LRRC4C: variants seen among roughly 807,000 people sequenced by gnomAD.
LRRC4C encodes the protein leucine rich repeat containing 4C.
A neutral mutation model predicts 33.6 loss-of-function variants in LRRC4C; 5 were observed. The ratio of observed to expected loss-of-function variants is 0.15; its 90% CI spans 0.08 to 0.31. The LOEUF is 0.31. Ranked by LOEUF, LRRC4C falls within the 10% of genes least tolerant of loss-of-function variation. The probability of loss-of-function intolerance (pLI) is 1.00; values close to 1 mark genes in which losing one functional copy is unlikely to be tolerated. For missense variants in LRRC4C, 560 were observed against 796.7 expected (o/e 0.70, Z 3.58); for synonymous variants, 329 against 302.0 (o/e 1.09, Z -0.93).
At chr11:41,099,254 A>G (rs1941010223) in intron 1 of LRRC4C, among the ~76,000 whole-genome samples, 1 of 152,110 alleles carries the variant, frequency 6.6e-6, no homozygotes, top group Admixed American at 6.6e-5. Flanking sequence ...ATTCAACCAG[A>G]TATACAAAGA....
rs748483585 is a variant in LRRC4C, at chr11:40,834,911, G to GACAGACAGACAGACACAC, written c.-407+98723_-407+98724insGTGTGTCTGTCTGTCTGT. 4.8e-4 allele frequency among the ~76,000 whole-genome samples: 41 copies of GACAGACAGACAGACACAC among 84,934 alleles called. 1 individual carries two copies. Among genetic ancestry groups the GACAGACAGACAGACACAC allele is most frequent in the South Asian group, 1.1e-3 (2 of 1,802 alleles). The allele number at this position is 84,934 out of a possible 152,430, so 55.7% of individuals were successfully genotyped here. ...AGACAGACAGACAGACAGACAGACA[G>GACAGACAGACAGACACAC]ACACACACACACACACACACACACA... is the stretch of plus-strand genomic sequence containing the variant. On this transcript the variant is annotated intron_variant, in intron 2 of 6. Transcript: ENST00000528697.
At chr11:40,967,122 T>C (rs1172604386) in intron 1 of LRRC4C, among the ~76,000 whole-genome samples, 2 of 151,556 alleles carry the variant, frequency 1.3e-5, no homozygotes, top group African/African-American at 4.9e-5. Flanking sequence ...GAGTTTGAGC[T>C]TAAAAGTTGG....
At chr11:40,522,092 G>A (rs1013136217) in intron 3 of LRRC4C, among the ~76,000 whole-genome samples, 2 of 152,046 alleles carry the variant, frequency 1.3e-5, no homozygotes, top group African/African-American at 2.4e-5. Flanking sequence ...GCACAATCTC[G>A]GCCCACTGCA....
At chr11:41,427,782 C>T (rs1367381569) in intron 1 of LRRC4C, among the ~76,000 whole-genome samples, 1 of 152,090 alleles carries the variant, frequency 6.6e-6, no homozygotes, top group Non-Finnish European at 1.5e-5. Flanking sequence ...TTTAAATGGC[C>T]TGTTCCTGCC....
At chr11:40,487,930 A>G (rs938858060) in intron 3 of LRRC4C, among the ~76,000 whole-genome samples, 12 of 152,124 alleles carry the variant, frequency 7.9e-5, no homozygotes, top group Admixed American at 3.3e-4. Flanking sequence ...CCCACAAATT[A>G]TATAATCTCC....
intron 1 of LRRC4C, among the ~76,000 whole-genome samples, chr11:40,992,111 G>T (rs2137263349): frequency 6.6e-6 from 1 of 152,234 alleles, no homozygotes; most frequent in East Asian, 1.9e-4. Flanking sequence ...TAACCGAAAA[G>T]GCAATTAAAA....
intron 1 of LRRC4C, among the ~76,000 whole-genome samples, chr11:41,182,701 T>G (rs1181830525): frequency 3.3e-5 from 5 of 152,148 alleles, no homozygotes; most frequent in African/African-American, 1.2e-4. Flanking sequence ...AATTCCTTGT[T>G]ATGTACAATG....
At chr11:40,693,542 G>A (rs765632970) in intron 2 of LRRC4C, among the ~76,000 whole-genome samples, 7 of 151,944 alleles carry the variant, frequency 4.6e-5, no homozygotes, top group South Asian at 2.1e-4. Flanking sequence ...TTCTTTTCTC[G>A]TCTACCTTTA....
At chr11:40,279,947 A>G (rs1943361184) in intron 4 of LRRC4C, among the ~76,000 whole-genome samples, 1 of 152,178 alleles carries the variant, frequency 6.6e-6, no homozygotes, top group Non-Finnish European at 1.5e-5. Context: ...GTTCCTTTTT[A>G]TCTAACAAAT....
intron 1 of LRRC4C, among the ~76,000 whole-genome samples, chr11:41,388,835 T>C (rs1294826275): frequency 1.3e-5 from 2 of 151,968 alleles, no homozygotes; most frequent in Non-Finnish European, 2.9e-5. Context: ...TAAATACCAA[T>C]AGGTATATCA....
At chr11:40,583,390 C>A (rs1368457719) in intron 3 of LRRC4C, among the ~76,000 whole-genome samples, 1 of 152,202 alleles carries the variant, frequency 6.6e-6, no homozygotes, top group African/African-American at 2.4e-5. Flanking sequence ...AATAACTTCA[C>A]ACTGTAGCAC....
chr11:41,146,821 T>C lies in LRRC4C; in HGVS notation c.-495-213098A>G, dbSNP rs182096043. 1.6e-3 allele frequency among the ~76,000 whole-genome samples: 244 copies of C among 152,372 alleles called. 1 individual carries two copies. Among genetic ancestry groups the C allele is most frequent in the African/African-American group, 5.6e-3 (233 of 41,598 alleles). ...ATGCCAATCTACTAACAAGTTGTTC[T>C]CTCTGGGGATATTCTTCTTATTAGT... On this transcript the variant is annotated intron_variant, in intron 1 of 6. Coordinates refer to ENST00000528697, the MANE Select transcript of LRRC4C (RefSeq NM_001258419.2).
intron 2 of LRRC4C, among the ~76,000 whole-genome samples, chr11:40,696,207 A>T (rs1338829787): frequency 1.4e-5 from 2 of 147,978 alleles, no homozygotes; most frequent in Non-Finnish European, 1.5e-5. Flanking sequence ...ATGAAGTATT[A>T]TATGTATATG....
chr11:40,511,445 T>G (rs1955310380), intron 3 of LRRC4C, among the ~76,000 whole-genome samples: 1 of 152,190 alleles, frequency 6.6e-6, no homozygotes, highest in East Asian at 1.9e-4. Context: ...AACATTAATC[T>G]AGGAACTAAA....
intron 1 of LRRC4C, among the ~76,000 whole-genome samples, chr11:40,952,892 ACACACTCTCTCT>A (rs1209934523): frequency 3.2e-3 from 158 of 49,662 alleles, no homozygotes; most frequent in African/African-American, 7.1e-3. Flanking sequence ...ACACACACAC[ACACACTCTCTCT>A]CTCTCTCTCT....
Position 41,077,732 on chromosome 11 carries a change from T to C in LRRC4C, c.-495-144009A>G, listed in dbSNP as rs185628879. On this transcript the variant is annotated intron_variant, in intron 1 of 6. Transcript: ENST00000528697. ...TGGCTATTAACATCCTGCTCCTCAT[T>C]ACCTATGCAAATTTCTGCAGCAGGC... 4.8e-3 allele frequency among the ~76,000 whole-genome samples: 726 copies of C among 152,348 alleles called. 7 individuals carry two copies. The highest frequency in any genetic ancestry group is 0.03 in the South Asian group (145 of 4,828).
intron 6 of LRRC4C, among the ~76,000 whole-genome samples, chr11:40,132,215 G>C (rs11035708): frequency 6.6e-6 from 1 of 152,048 alleles, no homozygotes; most frequent in African/African-American, 2.4e-5. Flanking sequence ...AATTTCTTAC[G>C]TGTTTAGCAA....
intron 1 of LRRC4C, among the ~76,000 whole-genome samples, chr11:41,001,161 T>C (rs973453772): frequency 2.0e-4 from 31 of 152,102 alleles, no homozygotes; most frequent in Non-Finnish European, 4.0e-4. Flanking sequence ...TTGGTAATAT[T>C]GACACTCTGA....
chr11:40,520,995 C>T (rs554549659), intron 3 of LRRC4C, among the ~76,000 whole-genome samples: 2 of 151,778 alleles, frequency 1.3e-5, no homozygotes, highest in African/African-American at 4.8e-5. Flanking sequence ...AGAACTCAAG[C>T]CAAATCCATT....
Sources: gnomAD v4.1 joint callset for allele counts (sites outside exome capture counted in the v4.1 genomes callset) on GRCh38, gnomAD v4.1.1 for gene constraint, MANE v1.5 for transcripts, NCBI Gene and HGNC (gene_info 2026-07-23, HGNC 2026-07-21) for gene names.